The following ERBB4 variants were observed in gnomAD, a reference collection of about 807,000 sequenced individuals.
The protein encoded by ERBB4 is receptor tyrosine-protein kinase erbB-4.
A neutral mutation model predicts 158.0 loss-of-function variants in ERBB4; 42 were observed. The observed-to-expected ratio is 0.27, with a 90% confidence interval of 0.21 to 0.34. The LOEUF (loss-of-function observed/expected upper bound fraction) is 0.34. ERBB4 is among the 10% of genes least tolerant of loss of function. The probability of loss-of-function intolerance (pLI) is 1.00; values close to 1 mark genes in which losing one functional copy is unlikely to be tolerated. For missense variants in ERBB4, 1,333 were observed against 1,624.1 expected (o/e 0.82, Z 3.08); for synonymous variants, 583 against 558.7 (o/e 1.04, Z -0.61).
chr2:211,972,470 G>A (rs942274774), intron 2 of ERBB4, among the ~76,000 whole-genome samples: 1 of 152,124 alleles, frequency 6.6e-6, no homozygotes, highest in Non-Finnish European at 1.5e-5. Flanking sequence ...AAAGAACAAA[G>A]CTGGAGGCAT....
At chr2:211,983,669 T>C (rs1426968385) in intron 2 of ERBB4, among the ~76,000 whole-genome samples, 1 of 152,130 alleles carries the variant, frequency 6.6e-6, no homozygotes, top group Non-Finnish European at 1.5e-5. Flanking sequence ...AAGAAAACAC[T>C]GACATTTGGT....
At chr2:212,355,810 ATGTG>A (rs1226144828) in intron 1 of ERBB4, among the ~76,000 whole-genome samples, 1 of 151,848 alleles carries the variant, frequency 6.6e-6, no homozygotes, top group Non-Finnish European at 1.5e-5. Context: ...ATATGTGTGT[ATGTG>A]TGAGTGTGTA....
At chr2:211,850,812 A>T (rs2077700136) in intron 3 of ERBB4, among the ~76,000 whole-genome samples, 1 of 151,956 alleles carries the variant, frequency 6.6e-6, no homozygotes, top group South Asian at 2.1e-4. Flanking sequence ...AGACAGCACT[A>T]TCTAAAATTA....
intron 1 of ERBB4, among the ~76,000 whole-genome samples, chr2:212,291,623 G>C (rs1183578604): frequency 1.3e-5 from 2 of 151,940 alleles, no homozygotes; most frequent in Non-Finnish European, 2.9e-5. Flanking sequence ...TTAATTAGAT[G>C]TCATCTGTAG....
intron 1 of ERBB4, among the ~76,000 whole-genome samples, chr2:212,357,473 G>T (rs2089507426): frequency 6.6e-6 from 1 of 151,652 alleles, no homozygotes; most frequent in Non-Finnish European, 1.5e-5. Flanking sequence ...GTAAATTATG[G>T]TAAATAGGCA....
intron 1 of ERBB4, among the ~76,000 whole-genome samples, chr2:212,430,096 A>G (rs980697654): frequency 6.6e-6 from 1 of 152,224 alleles, no homozygotes; most frequent in Non-Finnish European, 1.5e-5. Flanking sequence ...ACTGGTAAAG[A>G]AAATAAATAA....
chr2:211,475,146 T>C (rs1461759150), intron 20 of ERBB4, among the ~76,000 whole-genome samples: 1 of 152,102 alleles, frequency 6.6e-6, no homozygotes, highest in African/African-American at 2.4e-5. Context: ...AGTAAATGTT[T>C]TGTCATTCTA....
At chr2:211,629,735 T>C (rs1375390684) in intron 17 of ERBB4, among the ~76,000 whole-genome samples, 2 of 152,040 alleles carry the variant, frequency 1.3e-5, no homozygotes, top group Non-Finnish European at 2.9e-5. Flanking sequence ...CCCTCAGAAA[T>C]AATGCCGCCT....
At chr2:211,937,334 C>G (rs2080353591) in intron 3 of ERBB4, among the ~76,000 whole-genome samples, 1 of 151,958 alleles carries the variant, frequency 6.6e-6, no homozygotes, top group Non-Finnish European at 1.5e-5. Flanking sequence ...TTTAAAAAAA[C>G]TTTTAACATG....
At chr2:211,409,100 C>A (rs139327868) in intron 25 of ERBB4, among the ~76,000 whole-genome samples, 12 of 152,100 alleles carry the variant, frequency 7.9e-5, no homozygotes, top group African/African-American at 2.9e-4. Context: ...TAATGAACTC[C>A]ATTTGAATGA....
At chr2:211,431,235 A>G in intron 20 of ERBB4, 135 bp from the exon 21 acceptor site, 1 of 764,632 alleles carries the variant, frequency 1.3e-6, no homozygotes, top group Non-Finnish European at 2.1e-6. Context: ...AATATTTTCA[A>G]AATTAGAGAA....
At chr2:211,428,504 A>C in intron 21 of ERBB4, 21 bp from the exon 22 acceptor site, 1 of 1,311,310 alleles carries the variant, frequency 7.6e-7, no homozygotes, top group Non-Finnish European at 1.1e-6. Context: ...GTAAGAAGTA[A>C]AAGTTTTAAA....
intron 1 of ERBB4, among the ~76,000 whole-genome samples, chr2:212,511,505 T>C (rs1354250539): frequency 1.3e-5 from 2 of 152,220 alleles, no homozygotes; most frequent in African/African-American, 4.8e-5. Context: ...AACAGCTTGG[T>C]AATTTATAAC....
intron 2 of ERBB4, among the ~76,000 whole-genome samples, chr2:211,956,094 C>G (rs1351019943): frequency 6.7e-6 from 1 of 150,348 alleles, no homozygotes; most frequent in Non-Finnish European, 1.5e-5. Flanking sequence ...TACAGGTAGG[C>G]TTATATTTTG....
chr2:212,049,965 T>C (rs2077356619), intron 2 of ERBB4, among the ~76,000 whole-genome samples: 1 of 152,138 alleles, frequency 6.6e-6, no homozygotes, highest in African/African-American at 2.4e-5. Context: ...TTTCCAGTCA[T>C]GGCAATTTAG....
intron 3 of ERBB4, among the ~76,000 whole-genome samples, chr2:211,870,952 G>T (rs1379153974): frequency 6.6e-6 from 1 of 152,144 alleles, no homozygotes; most frequent in Non-Finnish European, 1.5e-5. Flanking sequence ...TGTGGCACAA[G>T]GCCCTGGCAT....
intron 1 of ERBB4, among the ~76,000 whole-genome samples, chr2:212,366,744 C>T (rs970855838): frequency 1.3e-5 from 2 of 151,930 alleles, no homozygotes; most frequent in Non-Finnish European, 2.9e-5. Context: ...CTGCTTTTAA[C>T]TCTATGGATT....
chr2:212,181,195 C>T (rs1349652128), intron 1 of ERBB4, among the ~76,000 whole-genome samples: 2 of 151,638 alleles, frequency 1.3e-5, no homozygotes, highest in East Asian at 1.9e-4. Context: ...TTTCCTATAA[C>T]TTGATGTGAT....
At chr2:212,458,195 C>A (rs1289098139) in intron 1 of ERBB4, among the ~76,000 whole-genome samples, 3 of 151,794 alleles carry the variant, frequency 2.0e-5, no homozygotes, top group Non-Finnish European at 2.9e-5. Flanking sequence ...ATGAGTGGAG[C>A]AGGAGAGAAT....
Sources: gnomAD v4.1 joint callset for allele counts (sites outside exome capture counted in the v4.1 genomes callset) on GRCh38, gnomAD v4.1.1 for gene constraint, MANE v1.5 for transcripts, NCBI Gene and HGNC (gene_info 2026-07-23, HGNC 2026-07-21) for gene names.